The following SLC4A5 variants were observed in gnomAD, a reference collection of about 807,000 sequenced individuals.
SLC4A5 encodes the protein solute carrier family 4 member 5.
In SLC4A5, 96 loss-of-function variants were observed where a neutral mutation model predicts 120.4. The ratio of observed to expected loss-of-function variants is 0.80; its 90% CI spans 0.68 to 0.94. SLC4A5 has a LOEUF of 0.94. Among genes scored for constraint, SLC4A5 ranks in the 40% least tolerant of loss-of-function variants. The pLI is 0.00. For missense variants in SLC4A5, 1,259 were observed against 1,459.5 expected, an observed-to-expected ratio of 0.86 and a Z score of 2.24; for synonymous variants, 550 against 571.1, an observed-to-expected ratio of 0.96 and a Z score of 0.53.
At chr2:74,304,811 C>CAGG in intron 6 of SLC4A5, 131 bp from the exon 7 acceptor site, 1 of 870,262 alleles carries the variant, frequency 1.1e-6, no homozygotes, top group Non-Finnish European at 1.7e-6. Flanking sequence ...AGGATGGGGT[C>CAGG]ATTGCCCTGA....
In SLC4A5 at chr2:74,237,015, C is replaced by T. The variant is rs966549242; in HGVS notation, c.2320-1801G>A. Among the ~76,000 whole-genome samples the T allele has an allele frequency of 2.8e-5, 4 of 145,278 alleles. No homozygotes were observed. The South Asian group carries it at 6.4e-4, about 23-fold the overall frequency. On this transcript the variant is annotated intron_variant, in intron 21 of 30. Coordinates refer to ENST00000394019, the Ensembl canonical transcript of SLC4A5. ...TTTTTGAGACAGAGTCTCTCTCTGT[C>T]GCCCAGGCTGGAGTGCAGTGGCGCA... is the stretch of plus-strand genomic sequence containing the variant.
chr2:74,322,738 A>T (rs982924280), intron 5 of SLC4A5, among the ~76,000 whole-genome samples: 8 of 152,320 alleles, frequency 5.3e-5, no homozygotes, highest in Middle Eastern at 6.8e-3. Flanking sequence ...AGTCTCAGGC[A>T]AAATGGGTCA....
At chr2:74,258,218 T>A (rs1671029033) in intron 12 of SLC4A5, among the ~76,000 whole-genome samples, 3 of 152,142 alleles carry the variant, frequency 2.0e-5, no homozygotes, top group Admixed American at 2.0e-4. Context: ...AAATCAATGA[T>A]GAAGAAAGAG....
intron 7 of SLC4A5, among the ~76,000 whole-genome samples, chr2:74,288,798 A>G (rs973796523): frequency 6.6e-6 from 1 of 152,102 alleles, no homozygotes; most frequent in Admixed American, 6.6e-5. Context: ...TCTCAAGTCA[A>G]CCTCAACATA....
intron 22 of SLC4A5, among the ~76,000 whole-genome samples, chr2:74,233,835 A>C (rs1363738740): frequency 1.3e-5 from 2 of 152,222 alleles, no homozygotes; most frequent in African/African-American, 4.8e-5. Context: ...TGAAGGTCAG[A>C]GGGCAGCCAG....
intron 14 of SLC4A5, 24 bp from the exon 15 acceptor site, chr2:74,253,152 A>G (rs1330295022): frequency 6.2e-7 from 1 of 1,613,576 alleles, no homozygotes; most frequent in Admixed American, 1.7e-5. Context: ...AGGAGGGAGA[A>G]AAGAAAGATC....
chr2:74,260,037 G>C (rs994382762), intron 11 of SLC4A5, among the ~76,000 whole-genome samples: 3 of 152,200 alleles, frequency 2.0e-5, no homozygotes, highest in Admixed American at 6.5e-5. Context: ...TTGCTGGAGG[G>C]GGAGCAGTTT....
chr2:74,233,092 T>C (rs1378556359), intron 23 of SLC4A5, among the ~76,000 whole-genome samples: 3 of 152,210 alleles, frequency 2.0e-5, no homozygotes, highest in Non-Finnish European at 4.4e-5. Flanking sequence ...CTCAGTGTTC[T>C]AGGCTGAGCC....
chr2:74,226,905 G>A (rs982989036), intron 27 of SLC4A5, 52 bp downstream of exon 27: 17 of 1,588,180 alleles, frequency 1.1e-5, no homozygotes, highest in Non-Finnish European at 1.3e-5. Flanking sequence ...GCACCTCTGG[G>A]TTGCCCAGGC....
At chr2:74,225,427 C>T (rs2103883516) in intron 27 of SLC4A5, among the ~76,000 whole-genome samples, 1 of 152,202 alleles carries the variant, frequency 6.6e-6, no homozygotes, top group South Asian at 2.1e-4. Flanking sequence ...GAAACCCTGT[C>T]CCTACTAAAA....
intron 5 of SLC4A5, 38 bp downstream of exon 5, chr2:74,328,082 C>CT: frequency 1.0e-6 from 1 of 973,548 alleles, no homozygotes; most frequent in Non-Finnish European, 1.2e-6. Context: ...CTGCATAGCT[C>CT]TGTCTACTTT....
rs954493063 is a variant in SLC4A5, at chr2:74,290,725, G to A, written c.272-4823C>T. ...TGCACTAGAGAGAGAAAGGCTCAGT[G>A]GCTGCAGCAGAACCTCAAGCAGGAA... On this transcript the variant is annotated intron_variant, in intron 7 of 30. Coordinates refer to ENST00000394019, the Ensembl canonical transcript of SLC4A5. The A allele has an allele frequency of 3.0e-6, 3 of 985,628 alleles. No individual in the cohort carries two copies. The African/African-American group carries it at 5.2e-5, about 17-fold the overall frequency. The allele number at this position is 985,628 out of a possible 1,614,324, so 61.1% of individuals were successfully genotyped here. A position where few individuals can be genotyped will look rare whatever the true frequency, so the allele number is the denominator to read the frequency against.
chr2:74,312,315 C>T (rs1672832451), intron 6 of SLC4A5, among the ~76,000 whole-genome samples: 2 of 151,708 alleles, frequency 1.3e-5, no homozygotes, highest in South Asian at 2.1e-4. Flanking sequence ...TGTGCAGCCT[C>T]CACCTGCTGG....
At chr2:74,248,254 G>A (rs759734820) in intron 18 of SLC4A5, 99 bp downstream of exon 18, 50 of 1,479,194 alleles carry the variant, frequency 3.4e-5, no homozygotes, top group Admixed American at 8.4e-5. Context: ...TGGCACCACC[G>A]CACCACCACC....
intron 17 of SLC4A5, among the ~76,000 whole-genome samples, chr2:74,249,857 A>T (rs1670737640): frequency 6.6e-6 from 1 of 151,464 alleles, no homozygotes; most frequent in Admixed American, 6.6e-5. Flanking sequence ...ATTGGAGAAG[A>T]CCCTTGCCTA....
chr2:74,257,806 G>T (rs1434841511), intron 12 of SLC4A5, among the ~76,000 whole-genome samples: 1 of 152,068 alleles, frequency 6.6e-6, no homozygotes, highest in African/African-American at 2.4e-5. Context: ...TCAAACTCCT[G>T]GCCTCAATCC....
chr2:74,339,004 T>C (rs918815557), intron 2 of SLC4A5, 101 bp from the exon 3 acceptor site: 4 of 152,168 alleles, frequency 2.6e-5, no homozygotes, highest in African/African-American at 9.7e-5. Flanking sequence ...GGGAAGGATT[T>C]TAACAAGGGC....
chr2:74,260,839 A>G (rs1438928489), intron 11 of SLC4A5, among the ~76,000 whole-genome samples: 2 of 152,118 alleles, frequency 1.3e-5, no homozygotes, highest in Non-Finnish European at 2.9e-5. Context: ...CTTCAGAATA[A>G]AACCCGGGTT....
At chr2:74,296,020 T>C (rs1485112679) in intron 7 of SLC4A5, among the ~76,000 whole-genome samples, 1 of 152,226 alleles carries the variant, frequency 6.6e-6, no homozygotes, top group Non-Finnish European at 1.5e-5. Flanking sequence ...AAAAACTTTA[T>C]ATTAGGATTT....
Sources: gnomAD v4.1 joint callset for allele counts (sites outside exome capture counted in the v4.1 genomes callset) on GRCh38, gnomAD v4.1.1 for gene constraint, MANE v1.5 for transcripts, NCBI Gene and HGNC (gene_info 2026-07-23, HGNC 2026-07-21) for gene names.